The following FOXK1 variants were observed in gnomAD, a reference collection of about 807,000 sequenced individuals.
The protein encoded by FOXK1 is forkhead box K1, also known as forkhead box protein K1.
In FOXK1, 19 loss-of-function variants were observed where a neutral mutation model predicts 51.9. The ratio of observed to expected loss-of-function variants is 0.37; its 90% CI spans 0.26 to 0.54. FOXK1 has a LOEUF of 0.54. Among genes scored for constraint, FOXK1 ranks in the 20% least tolerant of loss-of-function variants. FOXK1 has a pLI of 0.87. For synonymous variants in FOXK1, 537 were observed against 482.6 expected (o/e 1.11, Z -1.48); for missense variants, 870 against 1,032.7 (o/e 0.84, Z 2.16).
chr7:4,760,921 C>T, intron 7 of FOXK1, 143 bp from the exon 8 acceptor site: 3 of 695,496 alleles, frequency 4.3e-6, no homozygotes, highest in Non-Finnish European at 7.6e-6. Flanking sequence ...ACCTATTTCA[C>T]CCATGGGATT....
At chr7:4,717,467 CAT>C (rs1780250799) in intron 1 of FOXK1, among the ~76,000 whole-genome samples, 1 of 44,188 alleles carries the variant, frequency 2.3e-5, no homozygotes, top group Non-Finnish European at 4.5e-5. Context: ...GGCTGGGAGG[CAT>C]GTGGCTGGGA....
intron 2 of FOXK1, among the ~76,000 whole-genome samples, chr7:4,742,341 G>A (rs1482219730): frequency 2.0e-5 from 3 of 152,194 alleles, no homozygotes; most frequent in East Asian, 1.9e-4. Flanking sequence ...GCTGATCTGC[G>A]CACTCTGCTG....
chr7:4,682,521 C>A lies in FOXK1; in HGVS notation c.213C>A (p.Ser71=). ...PPGAIAGAGS[S]GGSSGVSGDS... ...GCGCGATCGCGGGCGCGGGCTCCTCCGGGGGCTCCTCCGGGGTATCCGGGG... is the reference window on the plus strand; with the variant it reads ...GCGCGATCGCGGGCGCGGGCTCCTCAGGGGGCTCCTCCGGGGTATCCGGGG... The change falls in exon 1 of 9, where the codon TCC becomes TCA. Residue 71 remains serine (S), a synonymous_variant. Transcript: ENST00000328914. This position sits in a 1 kb window ranked among gnomAD's most constrained non-coding sequence, Gnocchi z 7.6. The A allele has an allele frequency of 3.7e-6, 4 of 1,095,742 alleles. No homozygotes were observed. Among genetic ancestry groups the A allele is most frequent in the Non-Finnish European group, 4.4e-6 (4 of 903,484 alleles). The allele number at this position is 1,095,742 out of a possible 1,614,324, so 67.9% of individuals were successfully genotyped here. A position where few individuals can be genotyped will look rare whatever the true frequency, so the allele number is the denominator to read the frequency against.
chr7:4,715,863 A>C lies in FOXK1; in HGVS notation c.561-24975A>C, dbSNP rs78452230. 0.12 allele frequency among the ~76,000 whole-genome samples: 18,780 copies of C among 152,226 alleles called. 1,949 individuals are homozygous for C. The highest frequency in any genetic ancestry group is 0.29 in the African/African-American group (11,982 of 41,496). On this transcript the variant is annotated intron_variant, in intron 1 of 8. Coordinates refer to ENST00000328914, the MANE Select transcript of FOXK1 (RefSeq NM_001037165.2). This position sits in a 1 kb window ranked among gnomAD's most constrained non-coding sequence, Gnocchi z 4.5. ...AACTCACAAGACAATCCTTCCAGCC[A>C]CTGGTCACAGGATGGCCGTTGCTGA...
chr7:4,682,640 G>A lies in FOXK1; in HGVS notation c.332G>A (p.Gly111Asp). The change falls in exon 1 of 9, where the codon GGC (glycine) becomes GAC (aspartate). Residue 111 changes from glycine to aspartate, a missense_variant. Around this residue, in one of 3 missense-constraint regions of FOXK1, gnomAD observed 399 missense variants for 475.6 expected, o/e 0.84. Transcript: ENST00000328914. The surrounding 1 kb of genome is among the most constrained non-coding windows in gnomAD (Gnocchi z 7.6). ...SPGPALARLE[G>D]REFEFLMRQP... ...GGGCCGGCGCTGGCGCGGCTGGAGG[G>A]CCGCGAGTTCGAGTTCCTCATGCGC... 4 of 1,547,186 alleles carry A rather than the reference G, an allele frequency of 2.6e-6. No individual in the cohort carries two copies. The highest frequency in any genetic ancestry group is 2.5e-5 in the East Asian group (1 of 40,278).
chr7:4,686,826 TG>T (rs1379949475), intron 1 of FOXK1, among the ~76,000 whole-genome samples: 1 of 143,768 alleles, frequency 7.0e-6, no homozygotes, highest in African/African-American at 2.6e-5. Flanking sequence ...GAGCCTGTCA[TG>T]GGGGGGAATT....
At position 4,733,401 on chromosome 7, in the gene FOXK1, G is replaced by A. The variant is rs907682224; in HGVS notation, c.561-7437G>A. Among the ~76,000 whole-genome samples the A allele has an allele frequency of 2.6e-5, 4 of 152,148 alleles. No homozygotes were observed. The highest frequency in any genetic ancestry group is 2.1e-4 in the South Asian group (1 of 4,834). ...TTTCTATTACGTTGCTTGTTGCTCC[G>A]TTATGCAGTGTGCCTTTATGGTCCA... is the stretch of plus-strand genomic sequence containing the variant. On this transcript the variant is annotated intron_variant, in intron 1 of 8. Coordinates refer to ENST00000328914, the MANE Select transcript of FOXK1 (RefSeq NM_001037165.2). The surrounding 1 kb of genome is among the most constrained non-coding windows in gnomAD (Gnocchi z 5.0).
chr7:4,698,984 G>A (rs931328489), intron 1 of FOXK1, among the ~76,000 whole-genome samples: 3 of 152,158 alleles, frequency 2.0e-5, no homozygotes, highest in African/African-American at 7.2e-5. Flanking sequence ...CACTGTGCCC[G>A]GCCCACATAC....
At position 4,748,860 on chromosome 7, in the gene FOXK1, G is replaced by A. The variant is rs769635339; in HGVS notation, c.747-5599G>A. On this transcript the variant is annotated intron_variant, in intron 2 of 8. Transcript: ENST00000328914. The surrounding 1 kb of genome is among the most constrained non-coding windows in gnomAD (Gnocchi z 4.9). ...TGCCCGGCTAATTTTTGTATTTTTTGTAGAGGTGGGGTCTCCCCATGTTGC... is the reference window on the plus strand; with the variant it reads ...TGCCCGGCTAATTTTTGTATTTTTTATAGAGGTGGGGTCTCCCCATGTTGC... 1.6e-4 allele frequency among the ~76,000 whole-genome samples: 24 copies of A among 151,954 alleles called. No individual in the cohort carries two copies. The highest frequency in any genetic ancestry group is 2.6e-4 in the Non-Finnish European group (18 of 67,988).
rs968598822 is a variant in FOXK1 at position 4,745,296 on chromosome 7, G to A, written c.746+4273G>A. Among the ~76,000 whole-genome samples the A allele has an allele frequency of 2.0e-5, 3 of 152,178 alleles. No individual in the cohort carries two copies. The highest frequency in any genetic ancestry group is 7.2e-5 in the African/African-American group (3 of 41,446). On this transcript the variant is annotated intron_variant, in intron 2 of 8. Coordinates refer to ENST00000328914, the MANE Select transcript of FOXK1 (RefSeq NM_001037165.2). This position sits in a 1 kb window ranked among gnomAD's most constrained non-coding sequence, Gnocchi z 4.3. ...TCGGTGTAGGCCGGGCTCGCCCAGG[G>A]CCCCTCATTCCCAGGAGTCGGGAGT...
At chr7:4,699,870 C>G (rs954245275) in intron 1 of FOXK1, among the ~76,000 whole-genome samples, 2 of 152,118 alleles carry the variant, frequency 1.3e-5, no homozygotes, top group African/African-American at 4.8e-5. Flanking sequence ...GGCCATAATC[C>G]TCATGTGCAG....
In FOXK1 at chr7:4,758,954, T is replaced by C. The variant is rs1373872119; in HGVS notation, c.1245-97T>C. On this transcript the variant is annotated intron_variant, in intron 5 of 8. Transcript: ENST00000328914. This position sits in a 1 kb window ranked among gnomAD's most constrained non-coding sequence, Gnocchi z 4.4. Reference sequence around the variant, plus strand: ...GGACAGAGACGAGCTCCAGGGAGCGTGGGCGGGTGACGGCGCTGAGATGCG... The same window carrying C: ...GGACAGAGACGAGCTCCAGGGAGCGCGGGCGGGTGACGGCGCTGAGATGCG... The C allele has an allele frequency of 2.3e-6, 3 of 1,327,570 alleles. No homozygotes were observed. Among genetic ancestry groups the C allele is most frequent in the Non-Finnish European group, 2.0e-6 (2 of 978,400 alleles). The allele number at this position is 1,327,570 out of a possible 1,614,324, so 82.2% of individuals were successfully genotyped here.
chr7:4,720,708 CT>C (rs147233214), intron 1 of FOXK1, among the ~76,000 whole-genome samples: 35,489 of 144,330 alleles, frequency 0.25, 5,169 homozygotes, highest in Non-Finnish European at 0.35. Flanking sequence ...TAGCTTTTTA[CT>C]TTTTTTTTTT....
intron 1 of FOXK1, among the ~76,000 whole-genome samples, chr7:4,694,463 T>G (rs1779928669): frequency 6.6e-6 from 1 of 152,188 alleles, no homozygotes; most frequent in South Asian, 2.1e-4. Context: ...CTGCCTGTTC[T>G]GAAAAAGCTT....
chr7:4,720,310 T>G (rs1378998273), intron 1 of FOXK1, among the ~76,000 whole-genome samples: 1 of 132,066 alleles, frequency 7.6e-6, no homozygotes, highest in Non-Finnish European at 1.7e-5. Flanking sequence ...GTTCTTCTTC[T>G]GGGATTCAGT....
chr7:4,711,268 A>G lies in FOXK1; in HGVS notation c.560+28400A>G, dbSNP rs537228772. Among the ~76,000 whole-genome samples, 24 of 152,184 alleles carry G rather than the reference A, an allele frequency of 1.6e-4. No homozygotes were observed. The highest frequency in any genetic ancestry group is 3.4e-3 in the Middle Eastern group (1 of 294). On this transcript the variant is annotated intron_variant, in intron 1 of 8. Coordinates refer to ENST00000328914, the MANE Select transcript of FOXK1 (RefSeq NM_001037165.2). The surrounding 1 kb of genome is among the most constrained non-coding windows in gnomAD (Gnocchi z 6.3). The stretch of plus-strand genomic sequence containing the variant: ...CCTGGGGGTGTTTTCACAGGGTGGG[A>G]AGGCTGAGTGTCCTGGGAAGCGTCC...
intron 1 of FOXK1, among the ~76,000 whole-genome samples, chr7:4,736,157 A>G (rs1780549819): frequency 6.6e-6 from 1 of 152,184 alleles, no homozygotes; most frequent in South Asian, 2.1e-4. Flanking sequence ...TCAAAAAATA[A>G]ATAAAATCAA....
rs952387004 is a variant in FOXK1, at chr7:4,753,602, G to A, written c.747-857G>A. Among the ~76,000 whole-genome samples the A allele has an allele frequency of 1.3e-4, 20 of 152,288 alleles. No individual in the cohort carries two copies. Among genetic ancestry groups the A allele is most frequent in the Admixed American group, 1.3e-3 (20 of 15,304 alleles). ...CAGGACAGTGGGATCTCTTTCTCTCGGGAGGTTCTGCACCCACTCTTCGTG... is the reference window on the plus strand; with the variant it reads ...CAGGACAGTGGGATCTCTTTCTCTCAGGAGGTTCTGCACCCACTCTTCGTG... On this transcript the variant is annotated intron_variant, in intron 2 of 8. Coordinates refer to ENST00000328914, the MANE Select transcript of FOXK1 (RefSeq NM_001037165.2). This position sits in a 1 kb window ranked among gnomAD's most constrained non-coding sequence, Gnocchi z 4.9.
rs142112004 is a variant in FOXK1, at chr7:4,750,292, G to T, written c.747-4167G>T. Among the ~76,000 whole-genome samples, 1,348 of 152,244 alleles carry T rather than the reference G, an allele frequency of 8.9e-3. 25 individuals are homozygous for T. Among genetic ancestry groups the T allele is most frequent in the African/African-American group, 0.021 (876 of 41,534 alleles). On this transcript the variant is annotated intron_variant, in intron 2 of 8. Coordinates refer to ENST00000328914, the MANE Select transcript of FOXK1 (RefSeq NM_001037165.2). ...AGGGACTGGGGGGGGCCTGACCGAG[G>T]CCTGGGGTACTTACCCCAGAAGGAG...
Sources: gnomAD v4.1 joint callset for allele counts (sites outside exome capture counted in the v4.1 genomes callset) on GRCh38, gnomAD v4.1.1 for gene constraint, gnomAD v4.1.1 regional missense constraint, Gnocchi (gnomAD v3.1) non-coding constraint, MANE v1.5 for transcripts, NCBI Gene and HGNC (gene_info 2026-07-23, HGNC 2026-07-21) for gene names.